Variants in BRD4 observed in about 807,000 individuals in gnomAD.
BRD4 encodes bromodomain-containing protein 4.
A neutral mutation model predicts 142.1 loss-of-function variants in BRD4; 16 were observed. The ratio of observed to expected loss-of-function variants is 0.11; its 90% confidence interval spans 0.08 to 0.17. BRD4 has a LOEUF of 0.17. BRD4 is among the 10% of genes least tolerant of loss of function. The pLI, the probability that BRD4 is intolerant of heterozygous loss-of-function variation, is 1.00. For synonymous variants in BRD4, 833 were observed against 707.5 expected (o/e 1.18, Z -2.82); for missense variants, 1,424 against 1,810.9 (o/e 0.79, Z 3.88).
In BRD4 at chr19:15,239,440, G is replaced by C. The variant is rs2047219947; in HGVS notation, c.3528C>G (p.Asp1176Glu). 6.2e-7 allele frequency: 1 copy of C among 1,614,170 alleles called. No individual in the cohort carries two copies. The highest frequency in any genetic ancestry group is 8.5e-7 in the Non-Finnish European group (1 of 1,180,034). The change falls in exon 17 of 20, where the codon GAC becomes GAG. Residue 1176 changes from aspartate to glutamate, a missense_variant. Asp to Glu is a conservative substitution (Grantham distance 45, BLOSUM62 2). Coordinates refer to ENST00000679869, the MANE Select transcript of BRD4 (RefSeq NM_001379291.1). The surrounding 1 kb of genome is among the most constrained non-coding windows in gnomAD (Gnocchi z 7.4). ...TCGGCTCCTGTTTCTGTTTGTCCTT[G>C]TCAGGGGCCCCTGGTGGCGGTGCGT... The part of the protein sequence containing the change: ...EQNAPPPGAP[D>E]KDKQKQEPKT...
At position 15,256,277 on chromosome 19, in the gene BRD4, A is replaced by G. The variant is rs780144061; in HGVS notation, c.1552-14T>C. ...CACGGCTTTGAGCTGTAGACCAGAC[A>G]GGCAAGACACACACTCAGGGCTGAA... On this transcript the variant is annotated splice_polypyrimidine_tract_variant and intron_variant, in intron 8 of 19. Coordinates refer to ENST00000679869, the MANE Select transcript of BRD4 (RefSeq NM_001379291.1). 6.2e-7 allele frequency: 1 copy of G among 1,607,254 alleles called. No homozygotes were observed. Among genetic ancestry groups the G allele is most frequent in the Non-Finnish European group, 8.5e-7 (1 of 1,178,526 alleles).
intron 11 of BRD4, chr19:15,248,922 T>C: frequency 2.7e-6 from 1 of 374,418 alleles, no homozygotes; most frequent in Non-Finnish European, 4.9e-6. Flanking sequence ...GGGGTCTGGC[T>C]TTGCACACAG....
chr19:15,248,110 C>T, intron 11 of BRD4: 1 of 218,810 alleles, frequency 4.6e-6, no homozygotes, highest in Non-Finnish European at 9.2e-6. Context: ...AATGAAAAGC[C>T]CCTGAAACGC....
chr19:15,298,934 A>T (rs2047846193), intron 1 of BRD4, among the ~76,000 whole-genome samples: 1 of 152,214 alleles, frequency 6.6e-6, no homozygotes, highest in South Asian at 2.1e-4. Context: ...AACTGCTGGC[A>T]CATCGTGTCA....
chr19:15,296,664 A>G, intron 1 of BRD4, among the ~76,000 whole-genome samples: 1 of 152,220 alleles, frequency 6.6e-6, no homozygotes, highest in Middle Eastern at 3.2e-3. Context: ...GCAGCATCCC[A>G]AAGTGCAGTC....
chr19:15,251,081 C>T (rs1306380171), intron 11 of BRD4, among the ~76,000 whole-genome samples: 7 of 152,226 alleles, frequency 4.6e-5, no homozygotes, highest in South Asian at 2.1e-4. Flanking sequence ...GCCCACTGCA[C>T]TGCATGCTGC....
Position 15,272,737 on chromosome 19 carries a change from C to A in BRD4, c.285+78G>T, listed in dbSNP as rs2047601827. ...CCAAATGCATCTCCTACCCTCCCCC[C>A]AGGAACTGCCCTGACCAGGAGACAT... On this transcript the variant is annotated intron_variant, in intron 2 of 19. Coordinates refer to ENST00000679869, the MANE Select transcript of BRD4 (RefSeq NM_001379291.1). 14 of 1,409,134 alleles carry A rather than the reference C, an allele frequency of 9.9e-6. No homozygotes were observed. In the Admixed American group the frequency reaches 1.1e-4, roughly 11 times the overall value. 87.3% of individuals were successfully genotyped at this position (1,409,134 alleles called of 1,614,324 possible).
At chr19:15,274,838 T>C (rs953579890) in intron 1 of BRD4, among the ~76,000 whole-genome samples, 5 of 151,594 alleles carry the variant, frequency 3.3e-5, no homozygotes, top group African/African-American at 9.7e-5. Context: ...CAGGCCTAGA[T>C]AGGCCCTTGA....
intron 1 of BRD4, among the ~76,000 whole-genome samples, chr19:15,285,740 C>T (rs929795717): frequency 7.2e-5 from 11 of 152,136 alleles, no homozygotes; most frequent in Non-Finnish European, 1.3e-4. Context: ...CTACTTTTTA[C>T]ATTTGTTTTT....
At chr19:15,241,673 C>T (rs373925203) in intron 14 of BRD4, among the ~76,000 whole-genome samples, 5 of 152,204 alleles carry the variant, frequency 3.3e-5, no homozygotes, top group African/African-American at 7.2e-5. Flanking sequence ...TCACCCCCAA[C>T]AGGAGTCCAG....
At chr19:15,250,833 G>A (rs1034375443) in intron 11 of BRD4, among the ~76,000 whole-genome samples, 1 of 152,212 alleles carries the variant, frequency 6.6e-6, no homozygotes, top group African/African-American at 2.4e-5. Flanking sequence ...TAACCCCAGT[G>A]CTAATGACAG....
At chr19:15,290,377 A>G (rs1372905879) in intron 1 of BRD4, among the ~76,000 whole-genome samples, 1 of 152,204 alleles carries the variant, frequency 6.6e-6, no homozygotes, top group Admixed American at 6.5e-5. Flanking sequence ...GTTACGTTAG[A>G]AAACAGAAAT....
rs199735840 is a variant in BRD4 at position 15,239,624 on chromosome 19, C to T, written c.3445+35G>A. On this transcript the variant is annotated intron_variant, in intron 16 of 19. Coordinates refer to ENST00000679869, the MANE Select transcript of BRD4 (RefSeq NM_001379291.1). This position sits in a 1 kb window ranked among gnomAD's most constrained non-coding sequence, Gnocchi z 7.4. ...TATGTCCAACACGGGCCTCGGGGGG[C>T]CTGAGCCCTGGCTGTGGGCAGGGAG... is the stretch of plus-strand genomic sequence containing the variant. The T allele has an allele frequency of 8.3e-5, 130 of 1,559,912 alleles. No individual in the cohort carries two copies. In the African/African-American group the frequency reaches 1.6e-3, roughly 19 times the overall value.
chr19:15,312,937 AAAAC>A (rs772532573), intron 1 of BRD4, among the ~76,000 whole-genome samples: 84 of 152,272 alleles, frequency 5.5e-4, no homozygotes, highest in Non-Finnish European at 9.0e-4. Context: ...CTCTCAAAAC[AAAAC>A]AAAGATGTCA....
intron 11 of BRD4, chr19:15,247,441 C>G (rs966515919): frequency 4.3e-6 from 1 of 232,808 alleles, no homozygotes; most frequent in Non-Finnish European, 8.5e-6. Context: ...TTCAACAAGC[C>G]CTGAACGTTC....
chr19:15,311,972 A>G (rs1302343387), intron 1 of BRD4, among the ~76,000 whole-genome samples: 1 of 152,254 alleles, frequency 6.6e-6, no homozygotes, highest in Non-Finnish European at 1.5e-5. Flanking sequence ...TCAGCTTTGC[A>G]AGATGAAAAC....
At chr19:15,246,336 G>C (rs1314199850) in intron 11 of BRD4, among the ~76,000 whole-genome samples, 1 of 152,120 alleles carries the variant, frequency 6.6e-6, no homozygotes, top group African/African-American at 2.4e-5. Flanking sequence ...GGGGGACCCT[G>C]CACACTAGGG....
At chr19:15,283,235 C>T (rs1483657758) in intron 1 of BRD4, among the ~76,000 whole-genome samples, 4 of 151,846 alleles carry the variant, frequency 2.6e-5, no homozygotes, top group South Asian at 2.1e-4. Flanking sequence ...TTAGAGGGCA[C>T]GAAGAATTAA....
intron 11 of BRD4, among the ~76,000 whole-genome samples, chr19:15,245,333 A>G (rs1234528154): frequency 6.6e-6 from 1 of 152,150 alleles, no homozygotes; most frequent in East Asian, 1.9e-4. Context: ...TGAGAGCCAC[A>G]GGACGGTGAG....
Sources: allele counts gnomAD v4.1 joint callset (sites outside exome capture counted in the v4.1 genomes callset), GRCh38; gene constraint gnomAD v4.1.1; non-coding constraint Gnocchi (gnomAD v3.1); transcripts MANE v1.5; gene names NCBI Gene and HGNC (gene_info 2026-07-23, HGNC 2026-07-21).